The following TMTC2 variants were observed in gnomAD, a reference collection of about 807,000 sequenced individuals.
TMTC2 encodes transmembrane O-mannosyltransferase targeting cadherins 2.
TMTC2 carries 43 observed loss-of-function variants against 82.4 expected under a neutral mutation model. That is an observed-to-expected ratio of 0.52 (90% confidence interval 0.41 to 0.67). The LOEUF (loss-of-function observed/expected upper bound fraction) is 0.67, where lower values mean the gene tolerates loss of function less well. TMTC2 is among the 30% of genes least tolerant of loss of function. The pLI, the probability that TMTC2 is intolerant of heterozygous loss-of-function variation, is 0.00. For missense variants in TMTC2, 919 were observed against 1,012.4 expected (o/e 0.91, Z 1.25); for synonymous variants, 408 against 381.9 (o/e 1.07, Z -0.80).
chr12:83,030,808 G>A lies in TMTC2; in HGVS notation c.2081G>A (p.Ser694Asn). The A allele has an allele frequency of 6.2e-7, 1 of 1,613,328 alleles. No individual in the cohort carries two copies. Among genetic ancestry groups the A allele is most frequent in the Non-Finnish European group, 8.5e-7 (1 of 1,179,352 alleles). The change falls in exon 9 of 12, where the codon AGT becomes AAT. Residue 694 changes from serine (S) to asparagine (N), a missense_variant. Physicochemically the swap from Ser to Asn is conservative, Grantham distance 46 (BLOSUM62 1). Coordinates refer to ENST00000321196, the MANE Select transcript of TMTC2 (RefSeq NM_152588.3). ...TCTCTGTTTTTCAAGGGTCGTAAGA[G>A]TGAGGCTGAAAAGCTCTTCTTGAAG... ...GKLLALTGRK[S>N]EAEKLFLKAI...
intron 1 of TMTC2, among the ~76,000 whole-genome samples, chr12:82,818,934 T>C (rs972140337): frequency 3.3e-5 from 5 of 151,568 alleles, no homozygotes; most frequent in Non-Finnish European, 1.5e-5. Flanking sequence ...TCTAGCACTA[T>C]TGTGTATTTT....
chr12:82,747,010 T>C (rs1875727317), intron 1 of TMTC2, among the ~76,000 whole-genome samples: 1 of 152,212 alleles, frequency 6.6e-6, no homozygotes, highest in Admixed American at 6.5e-5. Flanking sequence ...AAGAGCCCAG[T>C]CTGGCCATTA....
At chr12:83,130,676 A>T (rs960351064) in intron 11 of TMTC2, among the ~76,000 whole-genome samples, 8 of 152,196 alleles carry the variant, frequency 5.3e-5, no homozygotes, top group African/African-American at 1.9e-4. Flanking sequence ...AATCACAAAC[A>T]TGTATGTGCT....
chr12:82,983,229 C>T (rs1317551190), intron 7 of TMTC2, among the ~76,000 whole-genome samples: 2 of 152,076 alleles, frequency 1.3e-5, no homozygotes, highest in East Asian at 3.9e-4. Context: ...TATTAAGACA[C>T]AATGAATGGT....
At chr12:82,851,903 CAAAAA>C (rs879483505) in intron 1 of TMTC2, among the ~76,000 whole-genome samples, 1 of 118,620 alleles carries the variant, frequency 8.4e-6, no homozygotes, top group African/African-American at 3.1e-5. Context: ...GGTCACGAGA[CAAAAA>C]AAAAAAAGCT....
chr12:82,977,876 T>C (rs1225669657), intron 7 of TMTC2, among the ~76,000 whole-genome samples: 2 of 151,746 alleles, frequency 1.3e-5, no homozygotes, highest in East Asian at 1.9e-4. Context: ...TGATTTCGAA[T>C]GAGAAAACTG....
intron 1 of TMTC2, chr12:82,690,292 G>C: frequency 1.3e-6 from 1 of 766,482 alleles, no homozygotes. Flanking sequence ...TAGACCTGTG[G>C]ATTCTGCTGC....
At chr12:82,732,526 G>A (rs1261346844) in intron 1 of TMTC2, among the ~76,000 whole-genome samples, 1 of 152,076 alleles carries the variant, frequency 6.6e-6, no homozygotes. Flanking sequence ...TGTATTTTTA[G>A]TAGAAATGGG....
chr12:82,907,655 C>T (rs1480602113), intron 3 of TMTC2, among the ~76,000 whole-genome samples: 1 of 152,040 alleles, frequency 6.6e-6, no homozygotes, highest in African/African-American at 2.4e-5. Context: ...AAATTACCCA[C>T]AACAAAACTT....
At chr12:82,993,843 G>A (rs1235640397) in intron 8 of TMTC2, among the ~76,000 whole-genome samples, 1 of 152,154 alleles carries the variant, frequency 6.6e-6, no homozygotes, top group East Asian at 1.9e-4. Context: ...GAGAAACGGG[G>A]GAGATACATT....
intron 4 of TMTC2, among the ~76,000 whole-genome samples, chr12:82,958,341 C>G (rs1237600645): frequency 9.8e-6 from 1 of 101,730 alleles, no homozygotes; most frequent in East Asian, 3.3e-4. Context: ...GGTGACAGAG[C>G]AAGAGTCTGT....
At chr12:83,121,912 G>A (rs982528084) in intron 11 of TMTC2, among the ~76,000 whole-genome samples, 7 of 152,112 alleles carry the variant, frequency 4.6e-5, no homozygotes, top group African/African-American at 1.7e-4. Context: ...GCTGTGTCAT[G>A]CAGGTTGTCA....
At chr12:82,783,982 A>G (rs1878039361) in intron 1 of TMTC2, among the ~76,000 whole-genome samples, 1 of 152,094 alleles carries the variant, frequency 6.6e-6, no homozygotes, top group African/African-American at 2.4e-5. Flanking sequence ...AATGGAGTAC[A>G]TGGATGATGA....
chr12:82,880,672 A>C (rs980661869), intron 2 of TMTC2, among the ~76,000 whole-genome samples: 1 of 152,214 alleles, frequency 6.6e-6, no homozygotes, highest in Non-Finnish European at 1.5e-5. Context: ...TGAGCCAGTC[A>C]AAAAATGATC....
intron 11 of TMTC2, among the ~76,000 whole-genome samples, chr12:83,082,701 G>A (rs1029593477): frequency 6.6e-6 from 1 of 152,134 alleles, no homozygotes; most frequent in Non-Finnish European, 1.5e-5. Context: ...TCATGATATG[G>A]CAGCATATAA....
intron 11 of TMTC2, among the ~76,000 whole-genome samples, chr12:83,113,454 G>T (rs1341793633): frequency 2.0e-5 from 3 of 152,230 alleles, no homozygotes; most frequent in Non-Finnish European, 2.9e-5. Context: ...AAGGCAAAAT[G>T]TGCAGTAGAA....
At chr12:82,937,763 T>TGTATATATACATATATATATATATATAC (rs1876431514) in intron 4 of TMTC2, among the ~76,000 whole-genome samples, 1 of 20,344 alleles carries the variant, frequency 4.9e-5, no homozygotes, top group Non-Finnish European at 9.2e-5. Context: ...TATATATATA[T>TGTATATATACATATATATATATATATAC]ATATATATAT....
chr12:82,858,931 T>C (rs998117781), intron 2 of TMTC2, among the ~76,000 whole-genome samples: 4 of 152,120 alleles, frequency 2.6e-5, no homozygotes, highest in African/African-American at 9.7e-5. Context: ...ATAGCAAACT[T>C]TGTTTTATTA....
chr12:82,806,215 GTTTTC>G (rs997678156), intron 1 of TMTC2, among the ~76,000 whole-genome samples: 13 of 147,966 alleles, frequency 8.8e-5, no homozygotes, highest in African/African-American at 3.3e-4. Context: ...AGGAAATTCT[GTTTTC>G]TTTACTGTTT....
Sources: allele counts gnomAD v4.1 joint callset (sites outside exome capture counted in the v4.1 genomes callset), GRCh38; gene constraint gnomAD v4.1.1; transcripts MANE v1.5; gene names NCBI Gene and HGNC (gene_info 2026-07-23, HGNC 2026-07-21).